The following LZTFL1 variants were observed in gnomAD, a reference collection of about 807,000 sequenced individuals.
LZTFL1 encodes leucine zipper transcription factor-like protein 1.
Under a neutral mutation model 45.9 loss-of-function variants are expected in LZTFL1, and 25 were observed. That is an observed-to-expected ratio of 0.54 (90% CI 0.40 to 0.76). The LOEUF (loss-of-function observed/expected upper bound fraction) is 0.76. Ranked by LOEUF, LZTFL1 falls within the 30% of genes least tolerant of loss-of-function variation. The pLI is 0.00. For synonymous variants in LZTFL1, 93 were observed against 117.4 expected, an observed-to-expected ratio of 0.79 and a Z score of 1.35; for missense variants, 277 against 331.1, an observed-to-expected ratio of 0.84 and a Z score of 1.27.
intron 2 of LZTFL1, among the ~76,000 whole-genome samples, chr3:45,891,460 A>AATTTTTTGC (rs1170230555): frequency 4.6e-5 from 7 of 152,156 alleles, no homozygotes; most frequent in African/African-American, 1.7e-4. Flanking sequence ...TGTTTTCATT[A>AATTTTTTGC]ATTTTTTGCA....
intron 2 of LZTFL1, among the ~76,000 whole-genome samples, chr3:45,889,211 C>T (rs1224331434): frequency 1.3e-5 from 2 of 152,122 alleles, no homozygotes; most frequent in Admixed American, 1.3e-4. Flanking sequence ...TCTCAAATTC[C>T]TGGCCTCAAG....
intron 2 of LZTFL1, among the ~76,000 whole-genome samples, chr3:45,865,355 G>T (rs1245251646): frequency 6.6e-6 from 1 of 152,248 alleles, no homozygotes; most frequent in Non-Finnish European, 1.5e-5. Context: ...TACATGCACT[G>T]ATGAGGAACG....
At chr3:45,848,874 G>T (rs987885156) in intron 4 of LZTFL1, among the ~76,000 whole-genome samples, 2 of 152,006 alleles carry the variant, frequency 1.3e-5, no homozygotes, top group Admixed American at 6.5e-5. Context: ...CGAATTTTTT[G>T]ATATTTCCGT....
At position 45,901,736 on chromosome 3, in the gene LZTFL1, C is replaced by CT; in HGVS notation, c.-215+11383dup. ...TCCACAGTTGCCTGAACCCTGTTCTCTATGTTTTTGTGGGTGAGAGATTCC... is the reference window on the plus strand; with the variant it reads ...TCCACAGTTGCCTGAACCCTGTTCTCTTATGTTTTTGTGGGTGAGAGATTCC... On this transcript the variant is annotated intron_variant, in intron 2 of 4. Transcript: ENST00000472635. This position sits in a 1 kb window ranked among gnomAD's most constrained non-coding sequence, Gnocchi z 4.3. 6.2e-6 allele frequency: 10 copies of CT among 1,614,170 alleles called. No homozygotes were observed. The highest frequency in any genetic ancestry group is 8.5e-6 in the Non-Finnish European group (10 of 1,180,030).
At chr3:45,860,610 T>G (rs1036053510) in intron 2 of LZTFL1, among the ~76,000 whole-genome samples, 1 of 152,182 alleles carries the variant, frequency 6.6e-6, no homozygotes, top group African/African-American at 2.4e-5. Flanking sequence ...AATTTAGATT[T>G]TGTCAAAATA....
intron 4 of LZTFL1, among the ~76,000 whole-genome samples, chr3:45,854,167 T>C (rs1283869352): frequency 6.6e-6 from 1 of 152,230 alleles, no homozygotes; most frequent in Non-Finnish European, 1.5e-5. Flanking sequence ...TTGGTATCCC[T>C]TGAAAATTCT....
chr3:45,842,340 C>G (rs892515176), upstream of LZTFL1, among the ~76,000 whole-genome samples: 1 of 152,240 alleles, frequency 6.6e-6, no homozygotes, highest in African/African-American at 2.4e-5. Context: ...CGTGTGGCCA[C>G]CAACGCGCTT....
Position 45,901,101 on chromosome 3 carries a change from G to C in LZTFL1, c.-215+12019C>G, listed in dbSNP as rs765324859. On this transcript the variant is annotated intron_variant, in intron 2 of 4. Transcript: ENST00000472635. This position sits in a 1 kb window ranked among gnomAD's most constrained non-coding sequence, Gnocchi z 4.3. ...CTTTCTTGTCACTCTTCCCTTCTGGGCCATTGCTGCTGCTGACCAGTGGAA... is the reference window on the plus strand; with the variant it reads ...CTTTCTTGTCACTCTTCCCTTCTGGCCCATTGCTGCTGCTGACCAGTGGAA... The C allele has an allele frequency of 6.2e-7, 1 of 1,614,092 alleles. No individual in the cohort carries two copies. The highest frequency in any genetic ancestry group is 8.5e-7 in the Non-Finnish European group (1 of 1,180,024).
At chr3:45,902,911 G>A (rs1702603924) in intron 2 of LZTFL1, 1 of 167,046 alleles carries the variant, frequency 6.0e-6, no homozygotes, top group Non-Finnish European at 1.5e-5. Context: ...TTACTTCCAT[G>A]CTTCTCCTTT....
intron 2 of LZTFL1, among the ~76,000 whole-genome samples, chr3:45,870,625 A>G (rs1701657124): frequency 6.6e-6 from 1 of 152,276 alleles, no homozygotes; most frequent in Non-Finnish European, 1.5e-5. Flanking sequence ...AAGCCTACTT[A>G]ACATTTAAGA....
In LZTFL1 at chr3:45,901,135, C is replaced by T. The variant is rs1702541089; in HGVS notation, c.-215+11985G>A. On this transcript the variant is annotated intron_variant, in intron 2 of 4. Coordinates refer to the LZTFL1 transcript ENST00000472635. The surrounding 1 kb of genome is among the most constrained non-coding windows in gnomAD (Gnocchi z 4.3). Reference sequence around the variant, plus strand: ...GCTGCTGACCAGTGGAAGTTCCAGACCTTCATGTGCAAGGTGGTCAACAGC... The same window carrying T: ...GCTGCTGACCAGTGGAAGTTCCAGATCTTCATGTGCAAGGTGGTCAACAGC... 1.2e-6 allele frequency: 2 copies of T among 1,614,052 alleles called. No homozygotes were observed. Among genetic ancestry groups the T allele is most frequent in the African/African-American group, 1.3e-5 (1 of 74,924 alleles).
intron 2 of LZTFL1, among the ~76,000 whole-genome samples, chr3:45,874,427 G>A (rs1701715736): frequency 6.6e-6 from 1 of 152,186 alleles, no homozygotes; most frequent in Non-Finnish European, 1.5e-5. Flanking sequence ...GCTATGGGGA[G>A]TGTATCTTTT....
chr3:45,843,099 A>T (rs1301500428), upstream of LZTFL1, among the ~76,000 whole-genome samples: 1 of 152,218 alleles, frequency 6.6e-6, no homozygotes, highest in Non-Finnish European at 1.5e-5. Context: ...GGGTATGCCC[A>T]ACTTCAGCTT....
intron 2 of LZTFL1, among the ~76,000 whole-genome samples, chr3:45,859,472 C>T (rs112534379): frequency 0.069 from 10,429 of 152,186 alleles, 436 homozygotes; most frequent in Non-Finnish European, 0.082. Flanking sequence ...ATTGATCCTC[C>T]CACCTTGGCC....
chr3:45,908,891 C>G (rs1328946973), intron 2 of LZTFL1, among the ~76,000 whole-genome samples: 1 of 152,206 alleles, frequency 6.6e-6, no homozygotes, highest in East Asian at 1.9e-4. Context: ...AGGAACCAGG[C>G]TGCACAGGAG....
intron 2 of LZTFL1, among the ~76,000 whole-genome samples, chr3:45,865,680 T>G (rs1435723102): frequency 6.6e-6 from 1 of 152,248 alleles, no homozygotes; most frequent in East Asian, 1.9e-4. Flanking sequence ...GAACGATGAA[T>G]TCATACACTT....
intron 2 of LZTFL1, among the ~76,000 whole-genome samples, chr3:45,897,221 G>C (rs1702383873): frequency 6.6e-6 from 1 of 152,198 alleles, no homozygotes; most frequent in Admixed American, 6.5e-5. Flanking sequence ...AAAACTATGA[G>C]TGTGAGTCAT....
chr3:45,826,484 T>C, intron 9 of LZTFL1, 152 bp from the exon 10 acceptor site: 1 of 686,358 alleles, frequency 1.5e-6, no homozygotes, highest in Non-Finnish European at 2.6e-6. Context: ...TGATGGTGAC[T>C]CAGAGGGGAT....
At chr3:45,876,704 C>T (rs1419991087) in intron 2 of LZTFL1, among the ~76,000 whole-genome samples, 7 of 152,200 alleles carry the variant, frequency 4.6e-5, no homozygotes, top group East Asian at 1.9e-4. Context: ...TTTTGCCCAG[C>T]GTCACCTAGT....
Sources: allele counts gnomAD v4.1 joint callset (sites outside exome capture counted in the v4.1 genomes callset), GRCh38; gene constraint gnomAD v4.1.1; non-coding constraint Gnocchi (gnomAD v3.1); transcripts MANE v1.5; gene names NCBI Gene and HGNC (gene_info 2026-07-23, HGNC 2026-07-21).